Variants in HMCN2 observed in about 807,000 individuals in gnomAD.
HMCN2 encodes the protein hemicentin 2, also known as hemicentin-2.
A neutral mutation model predicts 377.5 loss-of-function variants in HMCN2; 325 were observed. The observed-to-expected ratio is 0.86, with a 90% confidence interval of 0.79 to 0.94. HMCN2 has a LOEUF of 0.94. HMCN2 is among the 40% of genes least tolerant of loss of function. HMCN2 has a pLI of 0.00. For synonymous variants in HMCN2, 2,007 were observed against 2,046.8 expected, an observed-to-expected ratio of 0.98 and a Z score of 0.53; for missense variants, 4,543 against 4,725.3, an observed-to-expected ratio of 0.96 and a Z score of 1.13.
chr9:130,354,336 T>C (rs1839903805), intron 31 of HMCN2, among the ~76,000 whole-genome samples: 1 of 152,206 alleles, frequency 6.6e-6, no homozygotes, highest in African/African-American at 2.4e-5. Context: ...CCAAGCCATC[T>C]GGGCTCAGGT....
At chr9:130,362,362 C>T (rs553882288) in intron 39 of HMCN2, among the ~76,000 whole-genome samples, 197 bp downstream of exon 39, 9 of 152,314 alleles carry the variant, frequency 5.9e-5, no homozygotes, top group Non-Finnish European at 1.2e-4. Flanking sequence ...TGAACATGAA[C>T]CACCTACATC....
chr9:130,319,584 C>T lies in HMCN2; in HGVS notation c.2440C>T (p.Pro814Ser), dbSNP rs1837739542. 1 of 152,152 alleles carries T rather than the reference C, an allele frequency of 6.6e-6. No individual in the cohort carries two copies. The highest frequency in any genetic ancestry group is 2.4e-5 in the African/African-American group (1 of 41,416). 9.4% of individuals were successfully genotyped at this position (152,152 alleles called of 1,614,324 possible). Residue 814 changes from proline to serine, a missense_variant, in exon 16 of 98, where the codon CCC (proline) becomes TCC (serine). Around this residue, in one of 5 missense-constraint regions of HMCN2, gnomAD observed 547 missense variants for 189.9 expected, o/e 2.88. Transcript: ENST00000683500. ...GGCATGCCGGGCAACAGGCCGCCCGCCCCCGACGGTCACCTGGCGCCGCGG... is the reference window on the plus strand; with the variant it reads ...GGCATGCCGGGCAACAGGCCGCCCGTCCCCGACGGTCACCTGGCGCCGCGG... ...LLACRATGRP[P>S]PTVTWRRGDG...
chr9:130,401,094 C>T (rs770393661), intron 77 of HMCN2, 147 bp downstream of exon 77: 13 of 642,484 alleles, frequency 2.0e-5, no homozygotes, highest in Middle Eastern at 4.8e-4. Context: ...AGGACCCTCT[C>T]GCCCTCTCTG....
rs988448267 is a variant in HMCN2, at chr9:130,361,510, G to A, written c.5951-498G>A. On this transcript the variant is annotated intron_variant, in intron 38 of 97. Coordinates refer to ENST00000683500, the MANE Select transcript of HMCN2 (RefSeq NM_001291815.2). This position sits in a 1 kb window ranked among gnomAD's most constrained non-coding sequence, Gnocchi z 4.8. ...GGCCTCATGGGCCATGGGAGAGGTT[G>A]GTTCTAAGAGCAGTGGGTAGCTGGG... Among the ~76,000 whole-genome samples the A allele has an allele frequency of 2.6e-5, 4 of 152,202 alleles. No homozygotes were observed. Among genetic ancestry groups the A allele is most frequent in the Admixed American group, 6.5e-5 (1 of 15,284 alleles).
In HMCN2 at chr9:130,394,715, C is replaced by A; in HGVS notation, c.10692+140C>A. 2 of 683,092 alleles carry A rather than the reference C, an allele frequency of 2.9e-6. No individual in the cohort carries two copies. Among genetic ancestry groups the A allele is most frequent in the South Asian group, 1.8e-5 (1 of 54,934 alleles). 42.3% of individuals were successfully genotyped at this position (683,092 alleles called of 1,614,324 possible). Reference sequence around the variant, plus strand: ...GTGGGGTGTGAGGGTGTGGAGGTGACCCACCTTGGCCGTGCCCTTGGGAGC... The same window carrying A: ...GTGGGGTGTGAGGGTGTGGAGGTGAACCACCTTGGCCGTGCCCTTGGGAGC... On this transcript the variant is annotated intron_variant, in intron 69 of 97. Transcript: ENST00000683500. The surrounding 1 kb of genome is among the most constrained non-coding windows in gnomAD (Gnocchi z 5.1).
chr9:130,364,387 A>T lies in HMCN2; in HGVS notation c.6233-327A>T, dbSNP rs73670539. Among the ~76,000 whole-genome samples, 1,363 of 152,340 alleles carry T rather than the reference A, an allele frequency of 8.9e-3. 13 individuals carry two copies. Among genetic ancestry groups the T allele is most frequent in the African/African-American group, 0.022 (903 of 41,574 alleles). On this transcript the variant is annotated intron_variant, in intron 40 of 97. Transcript: ENST00000683500. ...GTGGTTCTGAGACCTGCTTAAAAAAATTTTTTTAAACAAAAATTTTAAATT... is the reference window on the plus strand; with the variant it reads ...GTGGTTCTGAGACCTGCTTAAAAAATTTTTTTTAAACAAAAATTTTAAATT...
intron 1 of HMCN2, among the ~76,000 whole-genome samples, chr9:130,277,323 T>C (rs1834748868): frequency 6.6e-6 from 1 of 152,228 alleles, no homozygotes; most frequent in South Asian, 2.1e-4. Flanking sequence ...GCACGCCACA[T>C]CTGCCCAGCT....
chr9:130,294,874 C>A lies in HMCN2; in HGVS notation c.632C>A (p.Ser211Ter). Residue 211 changes from serine to a stop codon, truncating the protein, a stop_gained, in exon 5 of 98, where the codon TCA (serine) becomes TAA (stop). Coordinates refer to ENST00000683500, the MANE Select transcript of HMCN2 (RefSeq NM_001291815.2). LOFTEE classifies it high-confidence loss of function. The part of the protein sequence containing the change: ...QVTEVLKWVE[S>*]AIQASKVHLL... ...CTCCAGGTGCTGAAGTGGGTGGAGT[C>A]AGCGATCCAGGCCTCCAAGGTGCAC... 2.2e-6 allele frequency: 1 copy of A among 458,210 alleles called. No homozygotes were observed. Among genetic ancestry groups the A allele is most frequent in the Non-Finnish European group, 4.5e-6 (1 of 220,088 alleles). 28.4% of individuals were successfully genotyped at this position (458,210 alleles called of 1,614,324 possible).
intron 1 of HMCN2, among the ~76,000 whole-genome samples, chr9:130,268,817 G>A (rs1415533064): frequency 6.7e-6 from 1 of 148,512 alleles, no homozygotes; most frequent in Non-Finnish European, 1.5e-5. Flanking sequence ...AGTGGAGCGG[G>A]AAAGTGGGGA....
At chr9:130,291,060 T>G (rs1835730186) in intron 4 of HMCN2, among the ~76,000 whole-genome samples, 1 of 152,156 alleles carries the variant, frequency 6.6e-6, no homozygotes, top group Non-Finnish European at 1.5e-5. Context: ...ATCACAGACC[T>G]TTTTCTACTT....
intron 44 of HMCN2, among the ~76,000 whole-genome samples, chr9:130,368,751 C>T (rs1271171802): frequency 1.3e-5 from 2 of 150,612 alleles, no homozygotes; most frequent in East Asian, 2.0e-4. Flanking sequence ...AGAGAGAGAG[C>T]CAGGGGGGAA....
Position 130,369,844 on chromosome 9 carries a change from C to G in HMCN2, c.7062C>G (p.Ser2354=). The G allele has an allele frequency of 2.0e-6, 2 of 986,124 alleles. No individual in the cohort carries two copies. The highest frequency in any genetic ancestry group is 5.2e-4 in the Middle Eastern group (1 of 1,914). 61.1% of individuals were successfully genotyped at this position (986,124 alleles called of 1,614,324 possible). Residue 2354 remains serine, a synonymous_variant, in exon 45 of 98, where the codon TCC becomes TCG. Transcript: ENST00000683500. This position sits in a 1 kb window ranked among gnomAD's most constrained non-coding sequence, Gnocchi z 4.5. ...GGGCAGAGAGGAAGTTTGAGCTCTC[C>G]GTACTGGGTGAGGACCGGCAGCTGC... ...AGRAERKFEL[S]VLVPPELIGD... is the part of the protein sequence containing the mutation.
In HMCN2 at chr9:130,428,566, T is replaced by G; in HGVS notation, c.14197+77T>G. ...TGCCAGGGATCAGCTGACAGGGGGCTGTGTGTCACTGGGCTCTGGGCTTCC... is the reference window on the plus strand; with the variant it reads ...TGCCAGGGATCAGCTGACAGGGGGCGGTGTGTCACTGGGCTCTGGGCTTCC... On this transcript the variant is annotated intron_variant, in intron 93 of 97. Transcript: ENST00000683500. This position sits in a 1 kb window ranked among gnomAD's most constrained non-coding sequence, Gnocchi z 5.0. The G allele has an allele frequency of 6.7e-7, 1 of 1,498,306 alleles. No homozygotes were observed. The highest frequency in any genetic ancestry group is 2.5e-5 in the East Asian group (1 of 40,364). The allele number at this position is 1,498,306 out of a possible 1,614,324, so 92.8% of individuals were successfully genotyped here. A position where few individuals can be genotyped will look rare whatever the true frequency, so the allele number is the denominator to read the frequency against.
At chr9:130,405,175 C>A in intron 81 of HMCN2, 116 bp downstream of exon 81, 2 of 692,250 alleles carry the variant, frequency 2.9e-6, no homozygotes, top group Non-Finnish European at 3.9e-6. Flanking sequence ...AAATCAGTGT[C>A]ACCATCCCGG....
Position 130,369,992 on chromosome 9 carries a change from T to C in HMCN2, c.7069+141T>C, listed in dbSNP as rs1283632602. 14 of 397,430 alleles carry C rather than the reference T, an allele frequency of 3.5e-5. No individual in the cohort carries two copies. The highest frequency in any genetic ancestry group is 4.8e-5 in the Non-Finnish European group (14 of 292,370). 24.6% of individuals were successfully genotyped at this position (397,430 alleles called of 1,614,324 possible). On this transcript the variant is annotated intron_variant, in intron 45 of 97. Transcript: ENST00000683500. This position sits in a 1 kb window ranked among gnomAD's most constrained non-coding sequence, Gnocchi z 4.5. ...CTGGAGTCAGGGCTCTAATGAGAGC[T>C]GCTGGTGGGGGGAGCCACCAACACT...
At position 130,425,766 on chromosome 9, in the gene HMCN2, TC is replaced by T. The variant is rs1564884137; in HGVS notation, c.13725del (p.Ser4576ArgfsTer132). On this transcript the variant is annotated frameshift_variant, in exon 90 of 98. Coordinates refer to ENST00000683500, the MANE Select transcript of HMCN2 (RefSeq NM_001291815.2). LOFTEE classifies it high-confidence loss of function. ...ACACAGCGCTTCTTCCAGGGCGGCCTCCCCTCGTTCCTACGCTGCAACCACA... is the reference window on the plus strand; with the variant it reads ...ACACAGCGCTTCTTCCAGGGCGGCCTCCCTCGTTCCTACGCTGCAACCACA... The part of the protein sequence containing the change: ...GSTQRFFQGG[L>X]PSFLRCNHSI... 1 of 1,548,544 alleles carries T rather than the reference TC, an allele frequency of 6.5e-7. No homozygotes were observed. The highest frequency in any genetic ancestry group is 8.7e-7 in the Non-Finnish European group (1 of 1,146,182).
intron 22 of HMCN2, among the ~76,000 whole-genome samples, chr9:130,328,826 T>C (rs1031375312): frequency 3.0e-4 from 46 of 152,192 alleles, no homozygotes; most frequent in African/African-American, 1.1e-3. Flanking sequence ...ATGACGGATG[T>C]GCAGTGCTTA....
At chr9:130,349,167 G>C in intron 28 of HMCN2, 36 bp downstream of exon 28, 1 of 1,293,456 alleles carries the variant, frequency 7.7e-7, no homozygotes, top group South Asian at 1.2e-5. Flanking sequence ...TCCCAAGTGT[G>C]TCTGGCCCTG....
intron 43 of HMCN2, among the ~76,000 whole-genome samples, chr9:130,367,757 A>G (rs564358472): frequency 1.3e-5 from 2 of 152,006 alleles, no homozygotes; most frequent in South Asian, 4.2e-4. Context: ...CCTAACTAAC[A>G]TGGTGACACC....
Sources: allele counts gnomAD v4.1 joint callset (sites outside exome capture counted in the v4.1 genomes callset), GRCh38; gene constraint gnomAD v4.1.1; regional missense constraint gnomAD v4.1.1; non-coding constraint Gnocchi (gnomAD v3.1); transcripts MANE v1.5; gene names NCBI Gene and HGNC (gene_info 2026-07-23, HGNC 2026-07-21).